PITPNC1: variants seen among roughly 807,000 people sequenced by gnomAD.
PITPNC1 encodes the protein cytoplasmic phosphatidylinositol transfer protein 1.
Under a neutral mutation model 44.7 loss-of-function variants are expected in PITPNC1, and 18 were observed. The ratio of observed to expected loss-of-function variants is 0.40; its 90% CI spans 0.28 to 0.60. The LOEUF (loss-of-function observed/expected upper bound fraction) is 0.60. PITPNC1 is among the 20% of genes least tolerant of loss of function. PITPNC1 has a pLI of 0.39. For missense variants in PITPNC1, 290 were observed against 418.4 expected, an observed-to-expected ratio of 0.69 and a Z score of 2.68; for synonymous variants, 141 against 149.6, an observed-to-expected ratio of 0.94 and a Z score of 0.42.
chr17:67,513,758 C>A (rs1347560645), intron 1 of PITPNC1, among the ~76,000 whole-genome samples: 1 of 152,030 alleles, frequency 6.6e-6, no homozygotes, highest in African/African-American at 2.4e-5. Flanking sequence ...TCTCTTTGAC[C>A]TAATGTCACC....
chr17:67,442,308 G>T (rs1393435076), intron 1 of PITPNC1, among the ~76,000 whole-genome samples: 1 of 135,038 alleles, frequency 7.4e-6, no homozygotes, highest in Non-Finnish European at 1.6e-5. Context: ...GCTCTACAAT[G>T]AAAAAAAAAG....
intron 1 of PITPNC1, among the ~76,000 whole-genome samples, chr17:67,423,520 C>T (rs1402076898): frequency 1.3e-5 from 2 of 152,114 alleles, no homozygotes; most frequent in Non-Finnish European, 1.5e-5. Context: ...TTTCAACCGA[C>T]CTGACTAGGC....
At chr17:67,520,697 G>A (rs2040314381) in intron 1 of PITPNC1, among the ~76,000 whole-genome samples, 1 of 152,148 alleles carries the variant, frequency 6.6e-6, no homozygotes, top group African/African-American at 2.4e-5. Flanking sequence ...CGTCCCCACA[G>A]CCAACGTATG....
At chr17:67,634,127 C>A (rs1350568753) in intron 6 of PITPNC1, among the ~76,000 whole-genome samples, 4 of 152,206 alleles carry the variant, frequency 2.6e-5, no homozygotes, top group Non-Finnish European at 5.9e-5. Flanking sequence ...TCATGCTTCA[C>A]AGGGTCACTC....
rs1386197600 is a variant in PITPNC1 at position 67,425,186 on chromosome 17, T to TGCGCGCGCGCGCGCGC, written c.48+46992_48+46993insGCGCGCGCGCGCGCGC. Among the ~76,000 whole-genome samples the TGCGCGCGCGCGCGCGC allele has an allele frequency of 1.2e-3, 69 of 55,700 alleles. 7 individuals are homozygous for TGCGCGCGCGCGCGCGC. The highest frequency in any genetic ancestry group is 1.8e-3 in the African/African-American group (23 of 13,126). The allele number at this position is 55,700 out of a possible 152,430, so 36.5% of individuals were successfully genotyped here. A position where few individuals can be genotyped will look rare whatever the true frequency, so the allele number is the denominator to read the frequency against. ...CCAGGTGAAATAAACAGCCATGTTG[T>TGCGCGCGCGCGCGCGC]GCGCGCGCACGCACACGCACACACA... is the stretch of plus-strand genomic sequence containing the variant. On this transcript the variant is annotated intron_variant, in intron 1 of 8. Transcript: ENST00000581322.
At chr17:67,513,527 A>AT (rs2040219987) in intron 1 of PITPNC1, among the ~76,000 whole-genome samples, 1 of 149,164 alleles carries the variant, frequency 6.7e-6, no homozygotes, top group African/African-American at 2.5e-5. Context: ...AAAAATAAAT[A>AT]AGTAAAAACA....
chr17:67,409,500 T>C (rs1468758458), intron 1 of PITPNC1, among the ~76,000 whole-genome samples: 1 of 152,220 alleles, frequency 6.6e-6, no homozygotes, highest in Non-Finnish European at 1.5e-5. Flanking sequence ...ATTTTGATCC[T>C]GAAATTGCTG....
intron 1 of PITPNC1, among the ~76,000 whole-genome samples, chr17:67,519,485 G>C (rs2040299668): frequency 6.6e-6 from 1 of 152,104 alleles, no homozygotes; most frequent in African/African-American, 2.4e-5. Flanking sequence ...GCAGAAGATA[G>C]ATTTTTTTTA....
At chr17:67,670,270 C>G (rs1435278005) in intron 7 of PITPNC1, among the ~76,000 whole-genome samples, 1 of 152,020 alleles carries the variant, frequency 6.6e-6, no homozygotes, top group Non-Finnish European at 1.5e-5. Context: ...TCATCTACTC[C>G]CAGACAGAGA....
At chr17:67,550,300 C>T (rs1745337325) in intron 2 of PITPNC1, among the ~76,000 whole-genome samples, 1 of 152,032 alleles carries the variant, frequency 6.6e-6, no homozygotes. Flanking sequence ...ACTCCACTTC[C>T]GGGGAACTTT....
intron 2 of PITPNC1, among the ~76,000 whole-genome samples, chr17:67,543,258 C>T (rs2040632943): frequency 6.6e-6 from 1 of 152,190 alleles, no homozygotes; most frequent in South Asian, 2.1e-4. Flanking sequence ...ATCAGCACCG[C>T]AGCTGCCCTG....
At chr17:67,470,803 C>T (rs1401843071) in intron 1 of PITPNC1, among the ~76,000 whole-genome samples, 3 of 149,796 alleles carry the variant, frequency 2.0e-5, no homozygotes, top group Non-Finnish European at 4.4e-5. Context: ...GGATGGTTGC[C>T]GTGTCTGTGT....
intron 5 of PITPNC1, among the ~76,000 whole-genome samples, chr17:67,630,981 C>T (rs149953560): frequency 5.0e-4 from 76 of 151,456 alleles, no homozygotes; most frequent in African/African-American, 1.7e-3. Flanking sequence ...CAAAGCGCTG[C>T]GATTACAGGC....
At chr17:67,509,655 T>A (rs966111993) in intron 1 of PITPNC1, among the ~76,000 whole-genome samples, 51 of 152,078 alleles carry the variant, frequency 3.4e-4, no homozygotes, top group Admixed American at 3.3e-3. Flanking sequence ...TTGACTGTGG[T>A]CCCCTCTGAT....
chr17:67,629,115 C>T (rs1379411428), intron 5 of PITPNC1, among the ~76,000 whole-genome samples: 4 of 152,102 alleles, frequency 2.6e-5, no homozygotes, highest in Non-Finnish European at 5.9e-5. Context: ...TGTCATGCCC[C>T]CCCTTCATCC....
chr17:67,481,507 T>C (rs2039701295), intron 1 of PITPNC1, among the ~76,000 whole-genome samples: 2 of 152,178 alleles, frequency 1.3e-5, no homozygotes, highest in Non-Finnish European at 2.9e-5. Context: ...ATTGATTGAT[T>C]TTCAAATTTT....
At chr17:67,472,891 T>TG (rs2039564976) in intron 1 of PITPNC1, among the ~76,000 whole-genome samples, 1 of 151,858 alleles carries the variant, frequency 6.6e-6, no homozygotes, top group African/African-American at 2.4e-5. Flanking sequence ...TATTTTTTTT[T>TG]TTTTGACGGA....
intron 1 of PITPNC1, among the ~76,000 whole-genome samples, chr17:67,421,500 C>T (rs2038672851): frequency 6.6e-6 from 1 of 152,152 alleles, no homozygotes; most frequent in African/African-American, 2.4e-5. Flanking sequence ...CCAGGCTGGT[C>T]TTGAACTCCT....
chr17:67,609,514 T>A (rs2041660208), intron 5 of PITPNC1, among the ~76,000 whole-genome samples: 1 of 152,044 alleles, frequency 6.6e-6, no homozygotes, highest in Non-Finnish European at 1.5e-5. Context: ...GGTCTCGAAC[T>A]CATGACCTCA....
Sources: allele counts gnomAD v4.1 joint callset (sites outside exome capture counted in the v4.1 genomes callset), GRCh38; gene constraint gnomAD v4.1.1; transcripts MANE v1.5; gene names NCBI Gene and HGNC (gene_info 2026-07-23, HGNC 2026-07-21).